GSG1L: variants seen among roughly 807,000 people sequenced by gnomAD.
The protein encoded by GSG1L is germ cell-specific gene 1-like protein.
GSG1L carries 24 observed loss-of-function variants against 42.1 expected under a neutral mutation model. The observed-to-expected ratio is 0.57, with a 90% CI of 0.41 to 0.80. The LOEUF is 0.80. Ranked by LOEUF, GSG1L falls within the 30% of genes least tolerant of loss-of-function variation. GSG1L has a pLI of 0.00. For missense variants in GSG1L, 445 were observed against 472.2 expected, an observed-to-expected ratio of 0.94 and a Z score of 0.53; for synonymous variants, 215 against 203.5, an observed-to-expected ratio of 1.06 and a Z score of -0.48.
At chr16:27,881,999 G>A (rs1487026468) in intron 3 of GSG1L, among the ~76,000 whole-genome samples, 1 of 152,100 alleles carries the variant, frequency 6.6e-6, no homozygotes, top group African/African-American at 2.4e-5. Context: ...TGAACCCAGA[G>A]AGATCATCCC....
rs1334310116 is a variant in GSG1L, at chr16:28,063,350, G to A, written c.75C>T (p.Thr25=). 2.8e-6 allele frequency: 4 copies of A among 1,406,482 alleles called. No homozygotes were observed. The highest frequency in any genetic ancestry group is 3.7e-6 in the Non-Finnish European group (4 of 1,073,446). The allele number at this position is 1,406,482 out of a possible 1,614,324, so 87.1% of individuals were successfully genotyped here. ...GGCACCAGTGCGTGGTGAGGAAAGCGGTGGTGGCGAACAGCAGCGCCAGCA... is the reference window on the plus strand; with the variant it reads ...GGCACCAGTGCGTGGTGAGGAAAGCAGTGGTGGCGAACAGCAGCGCCAGCA... ...LNLLALLFAT[T]AFLTTHWCQG... Residue 25 remains threonine, a synonymous_variant, in exon 1 of 7, where the codon ACC becomes ACT. Coordinates refer to ENST00000447459, the MANE Select transcript of GSG1L (RefSeq NM_001109763.2). This position sits in a 1 kb window ranked among gnomAD's most constrained non-coding sequence, Gnocchi z 5.8.
chr16:27,845,854 G>C (rs967654687), intron 3 of GSG1L, among the ~76,000 whole-genome samples: 1 of 151,836 alleles, frequency 6.6e-6, no homozygotes, highest in Non-Finnish European at 1.5e-5. Flanking sequence ...TGTGTATTCT[G>C]AATATTAATC....
At chr16:27,998,208 G>C (rs2085540072) in intron 1 of GSG1L, 1 of 152,080 alleles carries the variant, frequency 6.6e-6, no homozygotes, top group African/African-American at 2.4e-5. Flanking sequence ...ATGTGCCTTT[G>C]CATACCCATA....
At chr16:27,955,643 C>T (rs992974768) in intron 2 of GSG1L, among the ~76,000 whole-genome samples, 1 of 152,118 alleles carries the variant, frequency 6.6e-6, no homozygotes. Context: ...ATAAAAACAA[C>T]ATGAGACATA....
Position 27,963,195 on chromosome 16 carries a change from A to C in GSG1L, c.358T>G (p.Cys120Gly). Reference protein sequence around the residue: ...EEELSGLGEKCRSFIDLAPAS... With the variant: ...EEELSGLGEKGRSFIDLAPAS... Reference sequence around the variant, plus strand: ...GGGGCCAGGTCAATGAAGCTGCGACATTTTTCACCTTTGAAAAGAAGAGAA... The same window carrying C: ...GGGGCCAGGTCAATGAAGCTGCGACCTTTTTCACCTTTGAAAAGAAGAGAA... Residue 120 changes from cysteine (C) to glycine (G), a missense_variant, in exon 2 of 7, where the codon TGT becomes GGT. Around this residue, in one of 3 missense-constraint regions of GSG1L, gnomAD observed 149 missense variants for 223.3 expected, o/e 0.67. Coordinates refer to ENST00000447459, the MANE Select transcript of GSG1L (RefSeq NM_001109763.2). The C allele has an allele frequency of 6.2e-7, 1 of 1,613,314 alleles. No homozygotes were observed. Among genetic ancestry groups the C allele is most frequent in the Non-Finnish European group, 8.5e-7 (1 of 1,179,280 alleles).
intron 2 of GSG1L, among the ~76,000 whole-genome samples, chr16:27,924,517 G>A (rs953807171): frequency 1.3e-5 from 2 of 152,118 alleles, no homozygotes; most frequent in Non-Finnish European, 2.9e-5. Context: ...TGTCATAAAT[G>A]CTGTGTCATG....
chr16:27,831,007 C>G (rs2083269345), intron 4 of GSG1L, among the ~76,000 whole-genome samples: 1 of 152,284 alleles, frequency 6.6e-6, no homozygotes, highest in African/African-American at 2.4e-5. Flanking sequence ...CATGTGAGCA[C>G]ATGACCTCGG....
chr16:27,994,940 T>C (rs2085498808), intron 1 of GSG1L, among the ~76,000 whole-genome samples: 1 of 152,190 alleles, frequency 6.6e-6, no homozygotes, highest in Non-Finnish European at 1.5e-5. Context: ...TGGATATTTT[T>C]AGAGTTACAA....
At chr16:27,933,159 A>C (rs2084675409) in intron 2 of GSG1L, among the ~76,000 whole-genome samples, 1 of 152,000 alleles carries the variant, frequency 6.6e-6, no homozygotes, top group Admixed American at 6.6e-5. Context: ...TATGGAAGGG[A>C]GGGGAATGGA....
intron 2 of GSG1L, among the ~76,000 whole-genome samples, chr16:27,959,252 G>T (rs932440552): frequency 6.0e-5 from 9 of 149,758 alleles, no homozygotes; most frequent in African/African-American, 2.2e-4. Context: ...GAGTCCAGGA[G>T]TTTGAGACCA....
chr16:27,948,876 TG>T, intron 2 of GSG1L, among the ~76,000 whole-genome samples: 1 of 141,146 alleles, frequency 7.1e-6, no homozygotes. Context: ...CCCAAAGTGC[TG>T]GGATTACAGG....
At chr16:27,898,214 C>T (rs2084213261) in intron 2 of GSG1L, among the ~76,000 whole-genome samples, 1 of 152,208 alleles carries the variant, frequency 6.6e-6, no homozygotes, top group Non-Finnish European at 1.5e-5. Flanking sequence ...TTTTCTTCCC[C>T]TTCAGAATTC....
intron 1 of GSG1L, among the ~76,000 whole-genome samples, chr16:27,966,180 C>A (rs1336378319): frequency 1.3e-5 from 2 of 152,218 alleles, no homozygotes; most frequent in Non-Finnish European, 2.9e-5. Flanking sequence ...GGAGGCCTTT[C>A]CATTTAATCT....
Position 27,807,566 on chromosome 16 carries a change from A to G in GSG1L, c.831-12T>C, listed in dbSNP as rs367643686. The stretch of plus-strand genomic sequence containing the variant: ...CCCTCTTCTCCATCCTGGAAAGAAA[A>G]AAAAACAAAAACAAAATCCTAGGTA... On this transcript the variant is annotated splice_polypyrimidine_tract_variant and intron_variant, in intron 5 of 6. Coordinates refer to ENST00000447459, the MANE Select transcript of GSG1L (RefSeq NM_001109763.2). 3.0e-5 allele frequency: 48 copies of G among 1,608,108 alleles called. No homozygotes were observed. The African/African-American group carries it at 6.1e-4, about 21-fold the overall frequency.
chr16:27,949,955 G>A (rs1427707590), intron 2 of GSG1L, among the ~76,000 whole-genome samples: 1 of 151,828 alleles, frequency 6.6e-6, no homozygotes, highest in Non-Finnish European at 1.5e-5. Context: ...CAAACAAAAA[G>A]GAAACATGAC....
chr16:27,807,447 T>C (rs2082978403), intron 6 of GSG1L, 40 bp downstream of exon 6: 2 of 1,549,466 alleles, frequency 1.3e-6, no homozygotes, highest in Admixed American at 1.7e-5. Context: ...TGGCAGCCCA[T>C]GAATCTGTCG....
At chr16:27,803,129 C>A (rs563344649) in intron 6 of GSG1L, among the ~76,000 whole-genome samples, 12 of 152,176 alleles carry the variant, frequency 7.9e-5, no homozygotes, top group African/African-American at 2.9e-4. Flanking sequence ...GGCAAAAATT[C>A]TGTGCATATC....
chr16:27,900,217 A>G (rs1054646805), intron 2 of GSG1L, among the ~76,000 whole-genome samples: 61 of 152,234 alleles, frequency 4.0e-4, no homozygotes. Flanking sequence ...ACACACACCC[A>G]GTGACAACCA....
chr16:27,888,413 TTTC>T (rs758721566), intron 2 of GSG1L, among the ~76,000 whole-genome samples: 3 of 14,826 alleles, frequency 2.0e-4, no homozygotes, highest in South Asian at 0.02. Flanking sequence ...TCTTTCTTTC[TTTC>T]TTTCTTTCTT....
Sources: allele counts gnomAD v4.1 joint callset (sites outside exome capture counted in the v4.1 genomes callset), GRCh38; gene constraint gnomAD v4.1.1; regional missense constraint gnomAD v4.1.1; non-coding constraint Gnocchi (gnomAD v3.1); transcripts MANE v1.5; gene names NCBI Gene and HGNC (gene_info 2026-07-23, HGNC 2026-07-21).